The following OR51B5 variants were observed in gnomAD, a reference collection of about 807,000 sequenced individuals.
OR51B5 encodes olfactory receptor family 51 subfamily B member 5.
For missense variants in OR51B5, 456 were observed against 374.6 expected, an observed-to-expected ratio of 1.22 and a Z score of -1.79; for synonymous variants, 186 against 144.8, an observed-to-expected ratio of 1.28 and a Z score of -2.04.
intron 1 of OR51B5, among the ~76,000 whole-genome samples, chr11:5,471,461 C>T (rs190569408): frequency 1.3e-5 from 2 of 152,118 alleles, no homozygotes; most frequent in Admixed American, 1.3e-4. Flanking sequence ...CATGGTGAAA[C>T]CCCGTCTCTA....
chr11:5,366,653 G>C (rs1439434650), intron 1 of OR51B5, among the ~76,000 whole-genome samples: 2 of 151,076 alleles, frequency 1.3e-5, no homozygotes, highest in Admixed American at 6.6e-5. Context: ...GGAAGGAAGG[G>C]AAGGAAAGGA....
chr11:5,452,504 CAAAAAAAAAAAAAAAAAAAAAAAAA>C (rs56677841), intron 1 of OR51B5, among the ~76,000 whole-genome samples: 14 of 69,212 alleles, frequency 2.0e-4, no homozygotes, highest in Admixed American at 1.2e-3. Flanking sequence ...GACTCTGTCT[CAAAAAAAAAAAAAAAAAAAAAAAAA>C]AAAAAAAAAA....
Position 5,482,178 on chromosome 11 carries a change from A to G in OR51B5, n.84+23391T>C, listed in dbSNP as rs1851433767. Among the ~76,000 whole-genome samples, 4 of 105,462 alleles carry G rather than the reference A, an allele frequency of 3.8e-5. 1 individual carries two copies. Among genetic ancestry groups the G allele is most frequent in the Admixed American group, 2.0e-4 (2 of 10,014 alleles). The allele number at this position is 105,462 out of a possible 152,430, so 69.2% of individuals were successfully genotyped here. A position where few individuals can be genotyped will look rare whatever the true frequency, so the allele number is the denominator to read the frequency against. Reference sequence around the variant, plus strand: ...CAGAGATATAGATCAATGGAACAGAACAGAGCCCTCAGAAATAATGCCGCA... The same window carrying G: ...CAGAGATATAGATCAATGGAACAGAGCAGAGCCCTCAGAAATAATGCCGCA... On this transcript the variant is annotated intron_variant and non_coding_transcript_variant, in intron 1 of 4. Transcript: ENST00000415970.
rs138374670 is a variant in OR51B5, at chr11:5,498,569, G to C, written n.84+7000C>G. ...TCTTGCTCACGAATATACCCAAAATGTAAGTCAAAACGATATTAGTTTCAG... is the reference window on the plus strand; with the variant it reads ...TCTTGCTCACGAATATACCCAAAATCTAAGTCAAAACGATATTAGTTTCAG... On this transcript the variant is annotated intron_variant and non_coding_transcript_variant, in intron 1 of 4. Transcript: ENST00000415970. Among the ~76,000 whole-genome samples, 712 of 152,250 alleles carry C rather than the reference G, an allele frequency of 4.7e-3. 5 individuals carry two copies. The highest frequency in any genetic ancestry group is 0.016 in the African/African-American group (667 of 41,534).
At chr11:5,380,279 G>C (rs1180944823) in intron 1 of OR51B5, among the ~76,000 whole-genome samples, 7 of 152,190 alleles carry the variant, frequency 4.6e-5, no homozygotes, top group Admixed American at 2.0e-4. Context: ...AGATGCAGGT[G>C]TCCAGGGAGG....
At chr11:5,343,699 T>C (rs567476352), upstream of OR51B5, 84 of 512,042 alleles carry the variant, frequency 1.6e-4, no homozygotes, top group African/African-American at 1.4e-3. Context: ...ACTCATACTA[T>C]TTGTATTCTT....
chr11:5,485,046 C>T (rs1346489326), intron 1 of OR51B5, among the ~76,000 whole-genome samples: 2 of 152,112 alleles, frequency 1.3e-5, no homozygotes, highest in South Asian at 4.1e-4. Context: ...ATCTACATAA[C>T]CTGCAAAGAA....
At chr11:5,371,116 T>C (rs897695707) in intron 1 of OR51B5, among the ~76,000 whole-genome samples, 1 of 152,172 alleles carries the variant, frequency 6.6e-6, no homozygotes, top group African/African-American at 2.4e-5. Flanking sequence ...TGGACCACCA[T>C]GGATATTGAA....
chr11:5,472,245 T>C (rs1012700043), intron 1 of OR51B5, among the ~76,000 whole-genome samples: 1 of 152,078 alleles, frequency 6.6e-6, no homozygotes, highest in African/African-American at 2.4e-5. Flanking sequence ...AAATGGAGTG[T>C]AGGAAAATAA....
chr11:5,419,731 C>G (rs1850302270), intron 1 of OR51B5, among the ~76,000 whole-genome samples: 1 of 152,024 alleles, frequency 6.6e-6, no homozygotes, highest in Non-Finnish European at 1.5e-5. Flanking sequence ...TTTCCTGTCT[C>G]TTTTTCAAAA....
intron 1 of OR51B5, among the ~76,000 whole-genome samples, chr11:5,476,535 T>C (rs1022113709): frequency 1.3e-5 from 2 of 152,228 alleles, no homozygotes; most frequent in Non-Finnish European, 2.9e-5. Context: ...GCCTCCTTTG[T>C]GACTTGGTAT....
chr11:5,395,324 AGAG>A (rs1849851324), intron 1 of OR51B5, among the ~76,000 whole-genome samples: 1 of 152,232 alleles, frequency 6.6e-6, no homozygotes, highest in African/African-American at 2.4e-5. Context: ...AAGAAGCTAC[AGAG>A]AAGAAAGGAC....
chr11:5,407,907 T>C (rs1850083608), intron 1 of OR51B5, among the ~76,000 whole-genome samples: 1 of 152,172 alleles, frequency 6.6e-6, no homozygotes, highest in South Asian at 2.1e-4. Context: ...TAAAATGTTA[T>C]TGACAAAGGT....
intron 1 of OR51B5, among the ~76,000 whole-genome samples, chr11:5,504,252 A>C (rs317785): frequency 0.99 from 150,738 of 152,316 alleles, 74,605 homozygotes; most frequent in East Asian, 1. Flanking sequence ...GGTTTGGATA[A>C]CTTTCTCCTT....
At chr11:5,396,564 A>G (rs1194203584) in intron 1 of OR51B5, among the ~76,000 whole-genome samples, 4 of 143,232 alleles carry the variant, frequency 2.8e-5, no homozygotes, top group Admixed American at 7.0e-5. Context: ...AGATACAAAC[A>G]AATGGAAGAA....
chr11:5,461,444 T>C (rs531146112), intron 1 of OR51B5, among the ~76,000 whole-genome samples: 1 of 152,228 alleles, frequency 6.6e-6, no homozygotes, highest in African/African-American at 2.4e-5. Flanking sequence ...GTGGAGACCC[T>C]GGGAGAGGCT....
In OR51B5 at chr11:5,483,608, G is replaced by T. The variant is rs796591763; in HGVS notation, n.84+21961C>A. Among the ~76,000 whole-genome samples, 138 of 150,734 alleles carry T rather than the reference G, an allele frequency of 9.2e-4. 2 individuals are homozygous for T. Among genetic ancestry groups the T allele is most frequent in the African/African-American group, 3.3e-3 (136 of 41,036 alleles). ...AAGGAAAGAAGTGAAAAAGAGATCA[G>T]AATAGAGGAAAAGACAGGCTAGCTG... On this transcript the variant is annotated intron_variant and non_coding_transcript_variant, in intron 1 of 4. Coordinates refer to the OR51B5 transcript ENST00000415970.
intron 1 of OR51B5, chr11:5,393,072 A>T (rs902862561): frequency 2.6e-5 from 4 of 152,226 alleles, no homozygotes; most frequent in Admixed American, 2.0e-4. Context: ...GTGTCTCAGA[A>T]ATGCCACTTC....
chr11:5,454,403 C>T (rs1850920443), intron 1 of OR51B5: 1 of 1,605,922 alleles, frequency 6.2e-7, no homozygotes, highest in Non-Finnish European at 8.5e-7. Flanking sequence ...CCATTTTCCG[C>T]ATGTTTCACC....
Sources: gnomAD v4.1 joint callset for allele counts (sites outside exome capture counted in the v4.1 genomes callset) on GRCh38, gnomAD v4.1.1 for gene constraint, MANE v1.5 for transcripts, NCBI Gene and HGNC (gene_info 2026-07-23, HGNC 2026-07-21) for gene names.